The following PKHD1 variants were observed in gnomAD, a reference collection of about 807,000 sequenced individuals.
The protein encoded by PKHD1 is PKHD1 ciliary IPT domain containing fibrocystin/polyductin.
PKHD1 carries 291 observed loss-of-function variants against 412.0 expected under a neutral mutation model. The ratio of observed to expected loss-of-function variants is 0.71; its 90% confidence interval spans 0.64 to 0.78. The LOEUF is 0.78. Among genes scored for constraint, PKHD1 ranks in the 30% least tolerant of loss-of-function variants. The probability of loss-of-function intolerance (pLI) is 0.00; values close to 1 mark genes in which losing one functional copy is unlikely to be tolerated. For missense variants in PKHD1, 4,825 were observed against 4,950.7 expected, an observed-to-expected ratio of 0.97 and a Z score of 0.76; for synonymous variants, 1,777 against 1,821.5, an observed-to-expected ratio of 0.98 and a Z score of 0.62.
intron 55 of PKHD1, among the ~76,000 whole-genome samples, chr6:51,758,013 AAAGAGAGAG>A (rs772878189): frequency 6.1e-4 from 61 of 99,564 alleles, no homozygotes; most frequent in African/African-American, 1.9e-3. Flanking sequence ...GACCCTGCCA[AAAGAGAGAG>A]AGAGAGAGAG....
At chr6:51,998,196 C>G (rs913066415) in intron 35 of PKHD1, among the ~76,000 whole-genome samples, 1 of 152,022 alleles carries the variant, frequency 6.6e-6, no homozygotes, top group Non-Finnish European at 1.5e-5. Flanking sequence ...GTATGTTCAG[C>G]CCACACTCTG....
chr6:51,989,946 AG>A (rs1796792440), intron 35 of PKHD1, among the ~76,000 whole-genome samples: 2 of 30,224 alleles, frequency 6.6e-5, no homozygotes, highest in Non-Finnish European at 7.3e-5. Context: ...GAAGGAAGGA[AG>A]AAAGGAAGGA....
chr6:52,023,371 T>C (rs1801689545), intron 32 of PKHD1, among the ~76,000 whole-genome samples: 1 of 152,190 alleles, frequency 6.6e-6, no homozygotes, highest in Admixed American at 6.5e-5. Context: ...CATTATTCTA[T>C]CCATATTATT....
At chr6:51,803,435 C>T (rs994083011) in intron 52 of PKHD1, among the ~76,000 whole-genome samples, 3 of 152,242 alleles carry the variant, frequency 2.0e-5, no homozygotes, top group East Asian at 1.9e-4. Flanking sequence ...ATTCTACAAC[C>T]TCTATCAAAA....
At position 51,748,450 on chromosome 6, in the gene PKHD1, G is replaced by C. The variant is rs1562224902; in HGVS notation, c.9166C>G (p.Gln3056Glu). ...TAGHGIDLEG[Q>E]AYTVTNNLVV... ...AGGTTATTAGTGACAGTATAGGCCT[G>C]ACCCTCTAAATCTATGCCATGGCCA... The change falls in exon 58 of 67, where the codon CAG (glutamine) becomes GAG (glutamate). Residue 3056 changes from glutamine to glutamate, a missense_variant. Transcript: ENST00000371117. 6.2e-7 allele frequency: 1 copy of C among 1,613,992 alleles called. No homozygotes were observed. Among genetic ancestry groups the C allele is most frequent in the Non-Finnish European group, 8.5e-7 (1 of 1,179,938 alleles).
intron 52 of PKHD1, among the ~76,000 whole-genome samples, chr6:51,793,714 T>C (rs1449859505): frequency 6.6e-6 from 1 of 152,256 alleles, no homozygotes; most frequent in Non-Finnish European, 1.5e-5. Flanking sequence ...CATTCCTTTT[T>C]ATGGCTGCAT....
At chr6:51,627,247 A>G (rs1282858449) in intron 65 of PKHD1, 131 bp from the exon 66 acceptor site, 1 of 857,014 alleles carries the variant, frequency 1.2e-6, no homozygotes, top group Non-Finnish European at 2.0e-6. Context: ...CATATAACAT[A>G]TTCAGAGTTC....
intron 35 of PKHD1, among the ~76,000 whole-genome samples, chr6:51,983,555 C>A (rs920588811): frequency 6.6e-6 from 1 of 152,260 alleles, no homozygotes; most frequent in East Asian, 1.9e-4. Flanking sequence ...AAGGACAAAG[C>A]AAATTAAGGG....
At chr6:51,637,397 C>T (rs1222246523) in intron 64 of PKHD1, among the ~76,000 whole-genome samples, 1 of 152,116 alleles carries the variant, frequency 6.6e-6, no homozygotes, top group African/African-American at 2.4e-5. Flanking sequence ...GTAAATTGCT[C>T]TTTTAACAAG....
At chr6:51,796,694 G>C in intron 52 of PKHD1, among the ~76,000 whole-genome samples, 1 of 151,814 alleles carries the variant, frequency 6.6e-6, no homozygotes, top group East Asian at 1.9e-4. Context: ...CTGGTATGGT[G>C]TATCTTTGTT....
rs534597682 is a variant in PKHD1 at position 51,975,481 on chromosome 6, C to A, written c.5752-15455G>T. Among the ~76,000 whole-genome samples, 356 of 151,986 alleles carry A rather than the reference C, an allele frequency of 2.3e-3. 1 individual carries two copies. The highest frequency in any genetic ancestry group is 3.9e-3 in the Non-Finnish European group (267 of 67,958). ...AACAAAACCTGATTTTTAAAGTGGG[C>A]AAAGGACTTGAATGGACATTTTTCC... On this transcript the variant is annotated intron_variant, in intron 35 of 66. Coordinates refer to ENST00000371117, the MANE Select transcript of PKHD1 (RefSeq NM_138694.4).
chr6:51,960,639 C>T (rs977024906), intron 35 of PKHD1, among the ~76,000 whole-genome samples: 4 of 152,148 alleles, frequency 2.6e-5, no homozygotes, highest in Admixed American at 2.0e-4. Flanking sequence ...GCCTTTCCCC[C>T]TGTGCCTGGT....
At chr6:51,699,843 A>C (rs1779212212) in intron 60 of PKHD1, among the ~76,000 whole-genome samples, 1 of 151,952 alleles carries the variant, frequency 6.6e-6, no homozygotes, top group African/African-American at 2.4e-5. Flanking sequence ...CATTAATTCA[A>C]CAAATATTTG....
rs367619854 is a variant in PKHD1, at chr6:52,043,615, C to T, written c.2821+10G>A. 40 of 1,588,434 alleles carry T rather than the reference C, an allele frequency of 2.5e-5. No homozygotes were observed. The African/African-American group carries it at 5.0e-4, about 20-fold the overall frequency. On this transcript the variant is annotated intron_variant, in intron 26 of 66. Transcript: ENST00000371117. ...TTAAGCCCATCTCAGAGCCAAGTGACAAATCATACCAATGGAGTACCACAC... is the reference window on the plus strand; with the variant it reads ...TTAAGCCCATCTCAGAGCCAAGTGATAAATCATACCAATGGAGTACCACAC...
chr6:52,048,784 A>G (rs1806280316), intron 22 of PKHD1, among the ~76,000 whole-genome samples, 165 bp from the exon 23 acceptor site: 1 of 152,214 alleles, frequency 6.6e-6, no homozygotes, highest in African/African-American at 2.4e-5. Context: ...TCGATGTGAG[A>G]ATCATTTCAG....
At chr6:51,938,494 AC>A (rs34850644) in intron 36 of PKHD1, among the ~76,000 whole-genome samples, 1 of 123,548 alleles carries the variant, frequency 8.1e-6, no homozygotes, top group East Asian at 2.8e-4. Flanking sequence ...GCACGCTGTG[AC>A]CCCCCACTCC....
At chr6:51,677,869 CA>C (rs1189182961) in intron 60 of PKHD1, among the ~76,000 whole-genome samples, 4 of 150,092 alleles carry the variant, frequency 2.7e-5, no homozygotes, top group Admixed American at 6.6e-5. Context: ...TTTTTAAATT[CA>C]AAAAAAAATC....
At chr6:51,944,980 G>T (rs1789236468) in intron 36 of PKHD1, among the ~76,000 whole-genome samples, 2 of 152,164 alleles carry the variant, frequency 1.3e-5, no homozygotes, top group Admixed American at 1.3e-4. Flanking sequence ...CAGGCTCCAT[G>T]CCAGAGCAGT....
intron 52 of PKHD1, among the ~76,000 whole-genome samples, chr6:51,822,129 G>A (rs1766540535): frequency 6.6e-6 from 1 of 152,190 alleles, no homozygotes; most frequent in South Asian, 2.1e-4. Context: ...TAACCAGAAA[G>A]TGACCAGGGA....
Sources: gnomAD v4.1 joint callset for allele counts (sites outside exome capture counted in the v4.1 genomes callset) on GRCh38, gnomAD v4.1.1 for gene constraint, MANE v1.5 for transcripts, NCBI Gene and HGNC (gene_info 2026-07-23, HGNC 2026-07-21) for gene names.